Variants in LEUTX observed in about 807,000 individuals in gnomAD.
The protein encoded by LEUTX is paired-like homeodomain transcription factor LEUTX.
In LEUTX, 5 loss-of-function variants were observed where a neutral mutation model predicts 4.5. The observed-to-expected ratio is 1.11, with a 90% CI of 0.58 to 2.34. The LOEUF (loss-of-function observed/expected upper bound fraction) is 2.34. LEUTX is among the 30% of genes most tolerant of loss of function. The pLI, the probability that LEUTX is intolerant of heterozygous loss-of-function variation, is 0.01. For synonymous variants in LEUTX, 89 were observed against 85.1 expected, an observed-to-expected ratio of 1.05 and a Z score of -0.25; for missense variants, 233 against 239.4, an observed-to-expected ratio of 0.97 and a Z score of 0.18.
intron 1 of LEUTX, among the ~76,000 whole-genome samples, chr19:39,780,325 G>T (rs1293093656): frequency 1.3e-5 from 2 of 152,116 alleles, no homozygotes; most frequent in African/African-American, 4.8e-5. Context: ...CTAAAGACCA[G>T]TAGAATTCTA....
upstream of LEUTX, chr19:39,776,630 C>T: frequency 2.2e-6 from 1 of 456,176 alleles, no homozygotes. Flanking sequence ...CTCCGTGGAA[C>T]CTGCCTGTCA....
intron 1 of LEUTX, among the ~76,000 whole-genome samples, chr19:39,780,865 C>G (rs530519037): frequency 3.1e-4 from 47 of 149,502 alleles, no homozygotes; most frequent in African/African-American, 1.2e-3. Context: ...TAATTTTTTT[C>G]TAATTGTTTT....
upstream of LEUTX, among the ~76,000 whole-genome samples, chr19:39,777,089 G>A (rs1310882842): frequency 6.6e-6 from 1 of 151,998 alleles, no homozygotes; most frequent in African/African-American, 2.4e-5. Flanking sequence ...GACATGAAAA[G>A]GTTTTTCATG....
In LEUTX at chr19:39,785,783, A is replaced by C. The variant is rs369685173; in HGVS notation, c.245A>C (p.Gln82Pro). The C allele has an allele frequency of 6.0e-5, 93 of 1,551,662 alleles. No homozygotes were observed. In the African/African-American group the frequency reaches 1.1e-3, roughly 18 times the overall value. The part of the protein sequence containing the change: ...QTRPSLGPAN[Q>P]TTSVKKEETP... The stretch of plus-strand genomic sequence containing the variant: ...CGGCCATCACTAGGGCCAGCAAACC[A>C]GACAACTTCAGTGAAGAAGGAGGAG... Residue 82 changes from glutamine (Q) to proline (P), a missense_variant, in exon 3 of 3, where the codon CAG becomes CCG. Physicochemically the swap from Gln to Pro is moderately conservative, Grantham distance 76. Transcript: ENST00000638280.
rs149172013 is a variant in LEUTX at position 39,786,213 on chromosome 19, C to A, written c.*78C>A. 2,173 of 1,156,956 alleles carry A rather than the reference C, an allele frequency of 1.9e-3. 12 individuals are homozygous for A. Among genetic ancestry groups the A allele is most frequent in the Middle Eastern group, 0.012 (58 of 4,914 alleles). The allele number at this position is 1,156,956 out of a possible 1,614,324, so 71.7% of individuals were successfully genotyped here. A position where few individuals can be genotyped will look rare whatever the true frequency, so the allele number is the denominator to read the frequency against. On this transcript the variant is annotated 3_prime_UTR_variant, in exon 3 of 3. Transcript: ENST00000638280. ...TTTCCACACATCTTTAATGGTTTGA[C>A]CCCAGTCTAAGTAGATCAGGGGCTG...
At chr19:39,783,043 C>G (rs182668839) in intron 1 of LEUTX, among the ~76,000 whole-genome samples, 71 of 151,638 alleles carry the variant, frequency 4.7e-4, no homozygotes, top group Admixed American at 7.9e-4. Flanking sequence ...CCCACCCTTT[C>G]CCCCGAATCC....
chr19:39,777,630 T>C (rs182042756), upstream of LEUTX, among the ~76,000 whole-genome samples: 2 of 152,304 alleles, frequency 1.3e-5, no homozygotes, highest in Admixed American at 1.3e-4. Flanking sequence ...TACCCTTGAC[T>C]GTGTTAGAAG....
At chr19:39,776,745 G>A (rs1967800829), upstream of LEUTX, 1 of 449,998 alleles carries the variant, frequency 2.2e-6, no homozygotes, top group African/African-American at 2.0e-5. Context: ...ACTGGGTGCA[G>A]TTGCTCATTC....
In LEUTX at chr19:39,786,080, A is replaced by G. The variant is rs919404875; in HGVS notation, c.542A>G (p.Asn181Ser). 4 of 1,549,450 alleles carry G rather than the reference A, an allele frequency of 2.6e-6. No homozygotes were observed. Among genetic ancestry groups the G allele is most frequent in the African/African-American group, 2.7e-5 (2 of 72,842 alleles). The part of the protein sequence containing the change: ...LPGEDDTSSL[N>S]QYLFPVCLEY... ...GGGGAAGATGACACCAGCAGCCTAAATCAATATCTTTTTCCAGTATGCCTT... is the reference window on the plus strand; with the variant it reads ...GGGGAAGATGACACCAGCAGCCTAAGTCAATATCTTTTTCCAGTATGCCTT... The change falls in exon 3 of 3, where the codon AAT becomes AGT. Residue 181 changes from asparagine to serine, a missense_variant. Coordinates refer to ENST00000638280, the MANE Select transcript of LEUTX (RefSeq NM_001382345.1).
In LEUTX at chr19:39,786,000, T is replaced by C. The variant is rs954349240; in HGVS notation, c.462T>C (p.Pro154=). Residue 154 remains proline, a synonymous_variant, in exon 3 of 3, where the codon CCT becomes CCC. Coordinates refer to ENST00000638280, the MANE Select transcript of LEUTX (RefSeq NM_001382345.1). ...TATGTCTGGGGGCTTCAAATCCTCC[T>C]TGGGCCTCCACTCTCTTTGAAATAG... is the stretch of plus-strand genomic sequence containing the variant. ...EQICLGASNP[P]WASTLFEIDE... is the part of the protein sequence containing the mutation. 5.2e-6 allele frequency: 8 copies of C among 1,551,760 alleles called. No individual in the cohort carries two copies. Among genetic ancestry groups the C allele is most frequent in the Non-Finnish European group, 6.1e-6 (7 of 1,147,010 alleles).
intron 1 of LEUTX, among the ~76,000 whole-genome samples, chr19:39,782,645 G>T (rs1465846091): frequency 6.6e-6 from 1 of 152,132 alleles, no homozygotes; most frequent in East Asian, 1.9e-4. Context: ...TCCTCCAGGG[G>T]CTGTAGGATG....
At chr19:39,784,734 C>T (rs1967939209) in intron 2 of LEUTX, 56 bp downstream of exon 2, 1 of 1,282,226 alleles carries the variant, frequency 7.8e-7, no homozygotes, top group Non-Finnish European at 1.1e-6. Context: ...TTCACACACA[C>T]TTTTGATCAT....
In LEUTX at chr19:39,785,856, A is replaced by G; in HGVS notation, c.318A>G (p.Gly106=). 1.3e-6 allele frequency: 2 copies of G among 1,551,794 alleles called. No homozygotes were observed. Among genetic ancestry groups the G allele is most frequent in the South Asian group, 2.4e-5 (2 of 84,068 alleles). The stretch of plus-strand genomic sequence containing the variant: ...CAAACATTCGTCCAGTAAGTCCTGG[A>G]ATCTCTGATGCAAATGACCATGATC... ...TTANIRPVSP[G]ISDANDHDLR... The change falls in exon 3 of 3, where the codon GGA becomes GGG. Residue 106 remains glycine, a synonymous_variant. Coordinates refer to ENST00000638280, the MANE Select transcript of LEUTX (RefSeq NM_001382345.1).
At chr19:39,784,735 T>C in intron 2 of LEUTX, 57 bp downstream of exon 2, 1 of 1,274,358 alleles carries the variant, frequency 7.8e-7, no homozygotes, top group Non-Finnish European at 1.1e-6. Flanking sequence ...TCACACACAC[T>C]TTTGATCATT....
rs28639853 is a variant in LEUTX, at chr19:39,779,768, C to A, written c.7+841C>A. The stretch of plus-strand genomic sequence containing the variant: ...GTGGCTCACACCTGTAATTCCAACA[C>A]TTTCAGATGCCAAGGCAGGCGGATC... On this transcript the variant is annotated intron_variant, in intron 1 of 2. Coordinates refer to ENST00000638280, the MANE Select transcript of LEUTX (RefSeq NM_001382345.1). Among the ~76,000 whole-genome samples the A allele has an allele frequency of 5.7e-3, 871 of 152,248 alleles. 10 individuals carry two copies. Among genetic ancestry groups the A allele is most frequent in the African/African-American group, 0.02 (833 of 41,514 alleles).
upstream of LEUTX, among the ~76,000 whole-genome samples, chr19:39,777,387 A>G (rs1240743863): frequency 6.6e-6 from 1 of 152,224 alleles, no homozygotes; most frequent in Non-Finnish European, 1.5e-5. Flanking sequence ...ACTGGAACAA[A>G]TCTTAGCAGA....
At chr19:39,781,605 TAA>T (rs1967888677) in intron 1 of LEUTX, among the ~76,000 whole-genome samples, 1 of 152,078 alleles carries the variant, frequency 6.6e-6, no homozygotes, top group Admixed American at 6.6e-5. Flanking sequence ...TCTGGTTGTT[TAA>T]AAGAGTCTGG....
chr19:39,780,919 G>T (rs1568514569), intron 1 of LEUTX, among the ~76,000 whole-genome samples: 1 of 151,750 alleles, frequency 6.6e-6, no homozygotes, highest in Non-Finnish European at 1.5e-5. Context: ...GGCCAGGCTG[G>T]TTTTGAACTC....
chr19:39,784,240 C>T (rs1056265060), intron 1 of LEUTX, among the ~76,000 whole-genome samples: 1 of 152,020 alleles, frequency 6.6e-6, no homozygotes, highest in African/African-American at 2.4e-5. Flanking sequence ...TAATAACTGA[C>T]CTTCAGAATT....
Sources: gnomAD v4.1 joint callset for allele counts (sites outside exome capture counted in the v4.1 genomes callset) on GRCh38, gnomAD v4.1.1 for gene constraint, MANE v1.5 for transcripts, NCBI Gene and HGNC (gene_info 2026-07-23, HGNC 2026-07-21) for gene names.